NCALD: variants seen among roughly 807,000 people sequenced by gnomAD.
NCALD encodes the protein neurocalcin delta.
Under a neutral mutation model 18.6 loss-of-function variants are expected in NCALD, and 10 were observed. The ratio of observed to expected loss-of-function variants is 0.54; its 90% CI spans 0.33 to 0.91. The LOEUF (loss-of-function observed/expected upper bound fraction) is 0.91. NCALD is among the 40% of genes least tolerant of loss of function. NCALD has a pLI of 0.03. For synonymous variants in NCALD, 88 were observed against 87.4 expected, an observed-to-expected ratio of 1.01 and a Z score of -0.04; for missense variants, 184 against 247.6, an observed-to-expected ratio of 0.74 and a Z score of 1.72.
intron 4 of NCALD, among the ~76,000 whole-genome samples, chr8:101,807,512 C>T (rs1179220682): frequency 6.6e-6 from 1 of 152,042 alleles, no homozygotes; most frequent in East Asian, 1.9e-4. Flanking sequence ...AATCATTTGC[C>T]CAGGATCAAA....
rs1468938235 is a variant in NCALD, at chr8:101,866,696, T to C, written c.-20+20445A>G. On this transcript the variant is annotated intron_variant, in intron 4 of 6. Coordinates refer to the NCALD transcript ENST00000311028. Reference sequence around the variant, plus strand: ...CATGAGAAAATCCTGTTATATGAACTATCAAAACTGATCCAGAATCCAACC... The same window carrying C: ...CATGAGAAAATCCTGTTATATGAACCATCAAAACTGATCCAGAATCCAACC... Among the ~76,000 whole-genome samples, 4 of 152,186 alleles carry C rather than the reference T, an allele frequency of 2.6e-5. No homozygotes were observed. In the East Asian group the frequency reaches 7.7e-4, roughly 29 times the overall value.
At chr8:101,905,926 G>A (rs1379351360) in intron 3 of NCALD, among the ~76,000 whole-genome samples, 1 of 152,178 alleles carries the variant, frequency 6.6e-6, no homozygotes, top group Non-Finnish European at 1.5e-5. Flanking sequence ...CTCCATAAAT[G>A]CTTGCTGAAT....
At chr8:101,735,687 C>A (rs761363487) in intron 1 of NCALD, among the ~76,000 whole-genome samples, 1 of 152,166 alleles carries the variant, frequency 6.6e-6, no homozygotes, top group African/African-American at 2.4e-5. Flanking sequence ...CTCTAGTAAT[C>A]CACATCACTG....
chr8:101,981,664 A>G (rs1483280790), intron 2 of NCALD, among the ~76,000 whole-genome samples: 1 of 152,262 alleles, frequency 6.6e-6, no homozygotes, highest in Non-Finnish European at 1.5e-5. Flanking sequence ...TTAAATGGCC[A>G]TAAGGAACTT....
intron 1 of NCALD, among the ~76,000 whole-genome samples, chr8:101,785,553 T>C (rs2130984667): frequency 6.6e-6 from 1 of 152,212 alleles, no homozygotes; most frequent in South Asian, 2.1e-4. Context: ...CCAATCCTGA[T>C]TTCTGGGTGA....
intron 1 of NCALD, among the ~76,000 whole-genome samples, chr8:102,057,427 C>T (rs1422970161): frequency 6.6e-6 from 1 of 152,048 alleles, no homozygotes; most frequent in Admixed American, 6.5e-5. Context: ...GTGAGTATAC[C>T]AAAGAAGGTT....
At chr8:101,877,128 G>T (rs1816259194) in intron 4 of NCALD, among the ~76,000 whole-genome samples, 1 of 152,202 alleles carries the variant, frequency 6.6e-6, no homozygotes, top group South Asian at 2.1e-4. Flanking sequence ...GCAAGTGCTA[G>T]AAACCTGTGA....
chr8:101,763,165 T>TA (rs1284447496), intron 1 of NCALD, among the ~76,000 whole-genome samples: 3 of 152,240 alleles, frequency 2.0e-5, no homozygotes, highest in South Asian at 2.1e-4. Flanking sequence ...TATGGAATAT[T>TA]AAAAAACAAT....
Position 101,688,613 on chromosome 8 carries a change from G to C in NCALD, c.*696C>G. On this transcript the variant is annotated 3_prime_UTR_variant, in exon 4 of 4. Transcript: ENST00000220931. ...TTTATCACAATAGGCAACAAGATGGGTCTGGTTTTGGAATATGTTACCATT... is the reference window on the plus strand; with the variant it reads ...TTTATCACAATAGGCAACAAGATGGCTCTGGTTTTGGAATATGTTACCATT... 4.4e-6 allele frequency: 2 copies of C among 457,280 alleles called. No individual in the cohort carries two copies. Among genetic ancestry groups the C allele is most frequent in the Non-Finnish European group, 8.8e-6 (2 of 227,470 alleles). The allele number at this position is 457,280 out of a possible 1,614,324, so 28.3% of individuals were successfully genotyped here. A position where few individuals can be genotyped will look rare whatever the true frequency, so the allele number is the denominator to read the frequency against.
At chr8:101,893,479 C>T (rs1749953290) in intron 3 of NCALD, among the ~76,000 whole-genome samples, 1 of 143,076 alleles carries the variant, frequency 7.0e-6, no homozygotes, top group African/African-American at 2.7e-5. Flanking sequence ...AACCAGCTAA[C>T]ATCATAATGA....
intron 2 of NCALD, among the ~76,000 whole-genome samples, chr8:101,934,753 T>G (rs1228101009): frequency 1.3e-5 from 2 of 152,180 alleles, no homozygotes; most frequent in African/African-American, 4.8e-5. Context: ...CACTTTCAAG[T>G]ACCTTGGTTG....
chr8:101,961,551 C>T (rs1033214098), intron 2 of NCALD, among the ~76,000 whole-genome samples: 15 of 152,264 alleles, frequency 9.9e-5, no homozygotes, highest in African/African-American at 3.6e-4. Context: ...GAAAGGCTGA[C>T]TGTGGTACTG....
chr8:101,931,383 C>T (rs939018852), intron 2 of NCALD, among the ~76,000 whole-genome samples: 1 of 152,190 alleles, frequency 6.6e-6, no homozygotes, highest in African/African-American at 2.4e-5. Flanking sequence ...TAAAATAACC[C>T]TGTTAACAAC....
At chr8:101,875,711 C>T (rs944717599) in intron 4 of NCALD, among the ~76,000 whole-genome samples, 9 of 152,166 alleles carry the variant, frequency 5.9e-5, no homozygotes, top group Admixed American at 1.3e-4. Context: ...AAGCCAAGGA[C>T]GTGGAAGGCA....
intron 1 of NCALD, among the ~76,000 whole-genome samples, chr8:101,771,746 G>A (rs1811592985): frequency 6.6e-6 from 1 of 152,184 alleles, no homozygotes; most frequent in Non-Finnish European, 1.5e-5. Flanking sequence ...GACAATTTAT[G>A]CCTTATTATT....
intron 2 of NCALD, chr8:101,915,870 C>T (rs924462596): frequency 1.1e-4 from 17 of 152,260 alleles, no homozygotes; most frequent in African/African-American, 3.8e-4. Context: ...TGAAAGAAAA[C>T]ATGCAAAACA....
At chr8:101,716,082 T>C (rs1170494964) in intron 2 of NCALD, among the ~76,000 whole-genome samples, 1 of 152,178 alleles carries the variant, frequency 6.6e-6, no homozygotes, top group Non-Finnish European at 1.5e-5. Flanking sequence ...TGCCCACCAA[T>C]GTTAGACTGG....
chr8:101,963,382 C>T (rs1819905775), intron 2 of NCALD, among the ~76,000 whole-genome samples: 1 of 152,086 alleles, frequency 6.6e-6, no homozygotes, highest in Non-Finnish European at 1.5e-5. Context: ...ATTCCACTTC[C>T]TTGTCTAGAT....
In NCALD at chr8:101,926,731, T is replaced by C. The variant is rs924438121; in HGVS notation, c.-156-10873A>G. On this transcript the variant is annotated intron_variant, in intron 2 of 6. Transcript: ENST00000311028. The stretch of plus-strand genomic sequence containing the variant: ...CCCCTGGGAAACACAAGTGTTAGCA[T>C]GTCATAAACAACTAGAAATGCCACT... Among the ~76,000 whole-genome samples the C allele has an allele frequency of 1.3e-5, 2 of 152,144 alleles. 1 individual carries two copies.
Sources: allele counts gnomAD v4.1 joint callset (sites outside exome capture counted in the v4.1 genomes callset), GRCh38; gene constraint gnomAD v4.1.1; transcripts MANE v1.5; gene names NCBI Gene and HGNC (gene_info 2026-07-23, HGNC 2026-07-21).